The following SLCO3A1 variants were observed in gnomAD, a reference collection of about 807,000 sequenced individuals.
SLCO3A1 encodes the protein PGE1 transporter.
SLCO3A1 carries 27 observed loss-of-function variants against 63.1 expected under a neutral mutation model. The ratio of observed to expected loss-of-function variants is 0.43; its 90% CI spans 0.32 to 0.59. The LOEUF is 0.59. SLCO3A1 is among the 20% of genes least tolerant of loss of function. The probability of loss-of-function intolerance (pLI) is 0.09; values close to 1 mark genes in which losing one functional copy is unlikely to be tolerated. For missense variants in SLCO3A1, 773 were observed against 945.8 expected (o/e 0.82, Z 2.40); for synonymous variants, 473 against 409.9 (o/e 1.15, Z -1.86).
Position 91,854,286 on chromosome 15 carries a change from G to A in SLCO3A1, c.180+198G>A. On this transcript the variant is annotated intron_variant, in intron 1 of 9. Transcript: ENST00000318445. The surrounding 1 kb of genome is among the most constrained non-coding windows in gnomAD (Gnocchi z 6.4). ...GGCTGCCAGCGAGCGGGTAGCGGGCGGGACCGTTGATGCCGGTAGCAGCTC... is the reference window on the plus strand; with the variant it reads ...GGCTGCCAGCGAGCGGGTAGCGGGCAGGACCGTTGATGCCGGTAGCAGCTC... 2 of 1,160,028 alleles carry A rather than the reference G, an allele frequency of 1.7e-6. No homozygotes were observed. Among genetic ancestry groups the A allele is most frequent in the Middle Eastern group, 3.2e-4 (1 of 3,082 alleles). 71.9% of individuals were successfully genotyped at this position (1,160,028 alleles called of 1,614,324 possible).
intron 1 of SLCO3A1, among the ~76,000 whole-genome samples, chr15:91,876,810 C>T (rs962893356): frequency 8.5e-5 from 13 of 152,228 alleles, no homozygotes; most frequent in African/African-American, 3.1e-4. Flanking sequence ...GTGCGCTCTT[C>T]TCTGCTGTCC....
chr15:92,131,280 A>C (rs1389170610), intron 7 of SLCO3A1, among the ~76,000 whole-genome samples: 1 of 151,388 alleles, frequency 6.6e-6, no homozygotes, highest in Non-Finnish European at 1.5e-5. Flanking sequence ...TCAAACATGC[A>C]CTTCTCATTC....
chr15:91,903,208 C>T (rs756943100), intron 1 of SLCO3A1, among the ~76,000 whole-genome samples: 14 of 152,206 alleles, frequency 9.2e-5, no homozygotes, highest in Middle Eastern at 6.8e-3. Flanking sequence ...ACTGAAGATG[C>T]GAGGAGGAGG....
intron 2 of SLCO3A1, among the ~76,000 whole-genome samples, chr15:91,924,154 A>T (rs78028386): frequency 6.6e-6 from 1 of 152,160 alleles, no homozygotes; most frequent in African/African-American, 2.4e-5. Flanking sequence ...ACATCTGCTC[A>T]GGGGTCACAA....
intron 4 of SLCO3A1, among the ~76,000 whole-genome samples, chr15:92,112,177 A>T (rs915532560): frequency 2.0e-5 from 3 of 152,142 alleles, no homozygotes; most frequent in African/African-American, 4.8e-5. Context: ...GAGCTTTGGG[A>T]TGGGGGACAG....
At chr15:92,113,791 G>T (rs1218968153) in intron 4 of SLCO3A1, among the ~76,000 whole-genome samples, 1 of 152,168 alleles carries the variant, frequency 6.6e-6, no homozygotes, top group South Asian at 2.1e-4. Flanking sequence ...CTACCCCTAC[G>T]CAAGGGAATG....
At position 92,079,903 on chromosome 15, in the gene SLCO3A1, G is replaced by T. The variant is rs112696173; in HGVS notation, c.647-14978G>T. ...GAGCCTGCAAAACCTGCATCTGAGA[G>T]GATGTCCCTAGAGAGCTTCTGGGAG... On this transcript the variant is annotated intron_variant, in intron 2 of 9. Transcript: ENST00000318445. 7.0e-3 allele frequency among the ~76,000 whole-genome samples: 1,074 copies of T among 152,368 alleles called. 15 individuals carry two copies. The highest frequency in any genetic ancestry group is 0.024 in the African/African-American group (1,004 of 41,598).
At position 91,948,208 on chromosome 15, in the gene SLCO3A1, G is replaced by A. The variant is rs1173182709; in HGVS notation, c.646+31750G>A. On this transcript the variant is annotated intron_variant, in intron 2 of 9. Transcript: ENST00000318445. The surrounding 1 kb of genome is among the most constrained non-coding windows in gnomAD (Gnocchi z 4.8). ...CAGTGCCATGCGGCTAATGAATGCC[G>A]ACCTCCGGGAAGCTTTTTCCACTCC... is the stretch of plus-strand genomic sequence containing the variant. 1.3e-5 allele frequency among the ~76,000 whole-genome samples: 2 copies of A among 152,146 alleles called. No individual in the cohort carries two copies. Among genetic ancestry groups the A allele is most frequent in the Admixed American group, 6.5e-5 (1 of 15,284 alleles).
chr15:92,086,399 T>G (rs1397763681), intron 2 of SLCO3A1, among the ~76,000 whole-genome samples: 1 of 152,248 alleles, frequency 6.6e-6, no homozygotes, highest in Non-Finnish European at 1.5e-5. Flanking sequence ...TATTGTTCAT[T>G]TGGATTTCCT....
At chr15:92,087,445 A>G (rs1036345745) in intron 2 of SLCO3A1, among the ~76,000 whole-genome samples, 4 of 151,966 alleles carry the variant, frequency 2.6e-5, no homozygotes, top group African/African-American at 7.3e-5. Context: ...TAGCATTTCT[A>G]TGAACAATTT....
At chr15:91,898,373 G>A (rs866308908) in intron 1 of SLCO3A1, among the ~76,000 whole-genome samples, 20 of 152,188 alleles carry the variant, frequency 1.3e-4, no homozygotes, top group South Asian at 4.1e-4. Context: ...AGACTTGCTT[G>A]TCTATGCAAT....
At chr15:91,918,212 G>A (rs1362751135) in intron 2 of SLCO3A1, among the ~76,000 whole-genome samples, 3 of 152,242 alleles carry the variant, frequency 2.0e-5, no homozygotes, top group Non-Finnish European at 2.9e-5. Flanking sequence ...GGGTGTGGGA[G>A]GTGGAGGCGT....
At chr15:92,165,948 A>T, downstream of SLCO3A1, 1 of 959,710 alleles carries the variant, frequency 1.0e-6, no homozygotes, top group Non-Finnish European at 1.2e-6. Flanking sequence ...ACACCATCTC[A>T]GCTGAACATG....
At chr15:91,993,725 A>G (rs566000372) in intron 2 of SLCO3A1, among the ~76,000 whole-genome samples, 2 of 152,260 alleles carry the variant, frequency 1.3e-5, no homozygotes, top group South Asian at 2.1e-4. Context: ...CCTCTCCCAT[A>G]ATGAATAAGG....
chr15:91,930,967 T>A (rs932993326), intron 2 of SLCO3A1, among the ~76,000 whole-genome samples: 4 of 152,132 alleles, frequency 2.6e-5, no homozygotes, highest in Non-Finnish European at 4.4e-5. Flanking sequence ...TACCAGCGAG[T>A]GTCATGCAAA....
chr15:91,939,204 C>T (rs139590481), intron 2 of SLCO3A1, among the ~76,000 whole-genome samples: 229 of 152,110 alleles, frequency 1.5e-3, no homozygotes, highest in Non-Finnish European at 4.4e-4. Flanking sequence ...GGAGCAGGCA[C>T]GTCAAATGGC....
intron 7 of SLCO3A1, among the ~76,000 whole-genome samples, chr15:92,145,230 G>A (rs140352718): frequency 2.6e-5 from 4 of 152,270 alleles, no homozygotes; most frequent in African/African-American, 7.2e-5. Flanking sequence ...TGAGAGCGTG[G>A]GAGAAAAGGA....
chr15:91,854,100 A>G lies in SLCO3A1; in HGVS notation c.180+12A>G. The G allele has an allele frequency of 6.7e-7, 1 of 1,488,380 alleles. No individual in the cohort carries two copies. Among genetic ancestry groups the G allele is most frequent in the Non-Finnish European group, 9.0e-7 (1 of 1,113,592 alleles). 92.2% of individuals were successfully genotyped at this position (1,488,380 alleles called of 1,614,324 possible). Reference sequence around the variant, plus strand: ...TGGGCGCCTACCTGGTGAGTCCCCGAGCCAACTCCGCCGCGGGCCCCTTCC... The same window carrying G: ...TGGGCGCCTACCTGGTGAGTCCCCGGGCCAACTCCGCCGCGGGCCCCTTCC... On this transcript the variant is annotated intron_variant, in intron 1 of 9. Transcript: ENST00000318445. The surrounding 1 kb of genome is among the most constrained non-coding windows in gnomAD (Gnocchi z 6.4).
chr15:91,958,819 C>T (rs547632845), intron 2 of SLCO3A1, among the ~76,000 whole-genome samples: 22 of 152,198 alleles, frequency 1.4e-4, no homozygotes, highest in South Asian at 8.3e-4. Context: ...CCACTGCTAG[C>T]GGGAATGTAA....
Sources: gnomAD v4.1 joint callset for allele counts (sites outside exome capture counted in the v4.1 genomes callset) on GRCh38, gnomAD v4.1.1 for gene constraint, Gnocchi (gnomAD v3.1) non-coding constraint, MANE v1.5 for transcripts, NCBI Gene and HGNC (gene_info 2026-07-23, HGNC 2026-07-21) for gene names.